SKAP2: variants seen among roughly 807,000 people sequenced by gnomAD.
SKAP2 encodes src kinase associated phosphoprotein 2.
SKAP2 carries 28 observed loss-of-function variants against 54.9 expected under a neutral mutation model. The ratio of observed to expected loss-of-function variants is 0.51; its 90% confidence interval spans 0.38 to 0.70. SKAP2 has a LOEUF of 0.70. Ranked by LOEUF, SKAP2 falls within the 30% of genes least tolerant of loss-of-function variation. The pLI is 0.00. For synonymous variants in SKAP2, 137 were observed against 134.3 expected, an observed-to-expected ratio of 1.02 and a Z score of -0.14; for missense variants, 356 against 424.1, an observed-to-expected ratio of 0.84 and a Z score of 1.41.
intron 9 of SKAP2, 81 bp downstream of exon 9, chr7:26,725,347 C>A: frequency 9.7e-7 from 1 of 1,029,132 alleles, no homozygotes; most frequent in South Asian, 1.8e-5. Context: ...GAGGACAAAT[C>A]ACACACACAA....
intron 6 of SKAP2, 140 bp from the exon 7 acceptor site, chr7:26,727,146 T>C (rs2127956520): frequency 1.7e-6 from 1 of 589,422 alleles, no homozygotes; most frequent in Non-Finnish European, 2.8e-6. Context: ...TTAGGTAATG[T>C]TTTTAGAAAT....
At chr7:26,774,387 CAT>C (rs1347451710) in intron 4 of SKAP2, among the ~76,000 whole-genome samples, 4 of 152,080 alleles carry the variant, frequency 2.6e-5, no homozygotes, top group Non-Finnish European at 4.4e-5. Flanking sequence ...CACACACACA[CAT>C]ACACACACCC....
chr7:26,676,766 T>C (rs567132801), intron 11 of SKAP2, among the ~76,000 whole-genome samples: 1 of 152,280 alleles, frequency 6.6e-6, no homozygotes, highest in African/African-American at 2.4e-5. Context: ...GTAATCATTA[T>C]ATTGAATGTT....
chr7:26,717,404 G>A (rs1294220765), intron 9 of SKAP2, among the ~76,000 whole-genome samples: 1 of 149,564 alleles, frequency 6.7e-6, no homozygotes, highest in Non-Finnish European at 1.5e-5. Context: ...CAGCTACTTA[G>A]GAGGCTGAGG....
rs143558652 is a variant in SKAP2 at position 26,840,361 on chromosome 7, C to G, written c.307+3669G>C. Among the ~76,000 whole-genome samples, 259 of 152,174 alleles carry G rather than the reference C, an allele frequency of 1.7e-3. 4 individuals carry two copies. The highest frequency in any genetic ancestry group is 2.9e-3 in the Non-Finnish European group (200 of 67,968). On this transcript the variant is annotated intron_variant, in intron 4 of 12. Transcript: ENST00000345317. The stretch of plus-strand genomic sequence containing the variant: ...TATATGTCTTCTAGCTCACTGAATC[C>G]TTTCACCTTACCTTAGAGACTTTCC...
Position 26,739,980 on chromosome 7 carries a change from G to GAA in SKAP2, c.308-17_308-16insTT. The GAA allele has an allele frequency of 6.4e-7, 1 of 1,557,446 alleles. No individual in the cohort carries two copies. Among genetic ancestry groups the GAA allele is most frequent in the Admixed American group, 1.9e-5 (1 of 52,416 alleles). On this transcript the variant is annotated splice_polypyrimidine_tract_variant and intron_variant, in intron 4 of 12. Coordinates refer to ENST00000345317, the MANE Select transcript of SKAP2 (RefSeq NM_003930.5). ...AACTGGGCTCCTATGAGAAGTTGGG[G>GAA]AGAGAAAAAAAAAAGCAGTGGGTAA... is the stretch of plus-strand genomic sequence containing the variant.
At chr7:26,812,679 T>C (rs1784178564) in intron 4 of SKAP2, among the ~76,000 whole-genome samples, 1 of 152,118 alleles carries the variant, frequency 6.6e-6, no homozygotes, top group African/African-American at 2.4e-5. Flanking sequence ...TTCTTTAAGG[T>C]ATAATAGGTA....
intron 4 of SKAP2, among the ~76,000 whole-genome samples, chr7:26,842,650 C>T (rs541157799): frequency 7.1e-4 from 106 of 149,924 alleles, no homozygotes; most frequent in African/African-American, 2.5e-3. Flanking sequence ...TACACACATA[C>T]ATTCATATAT....
intron 1 of SKAP2, among the ~76,000 whole-genome samples, chr7:26,860,393 T>C (rs1475590825): frequency 6.6e-6 from 1 of 152,182 alleles, no homozygotes; most frequent in African/African-American, 2.4e-5. Flanking sequence ...TTCCTATTTC[T>C]AGAAAAGAAT....
At chr7:26,752,809 C>T (rs750708332) in intron 4 of SKAP2, among the ~76,000 whole-genome samples, 12 of 152,162 alleles carry the variant, frequency 7.9e-5, no homozygotes, top group Non-Finnish European at 1.8e-4. Context: ...AAATCAGCAA[C>T]TGGCCTATAA....
chr7:26,802,832 G>T (rs10237921), intron 4 of SKAP2, among the ~76,000 whole-genome samples: 45,379 of 151,772 alleles, frequency 0.3, 7,087 homozygotes, highest in Middle Eastern at 0.37. Flanking sequence ...AGTGAGTCAA[G>T]ATCGCACTCC....
intron 4 of SKAP2, among the ~76,000 whole-genome samples, chr7:26,795,829 G>T (rs1385605043): frequency 6.6e-6 from 1 of 152,146 alleles, no homozygotes. Context: ...GTTGTTAGGG[G>T]TTATTTAGGA....
intron 4 of SKAP2, among the ~76,000 whole-genome samples, chr7:26,788,151 A>G (rs1481224492): frequency 1.3e-5 from 2 of 152,276 alleles, no homozygotes; most frequent in Non-Finnish European, 2.9e-5. Context: ...AGAACAAAAA[A>G]GAAAATGGGT....
intron 3 of SKAP2, among the ~76,000 whole-genome samples, chr7:26,846,277 C>G (rs960397837): frequency 2.6e-5 from 4 of 151,680 alleles, no homozygotes; most frequent in Admixed American, 6.6e-5. Context: ...AACAGTGAAA[C>G]CAAATAATAT....
At chr7:26,661,772 CA>C in the SKAP2 span, among the ~76,000 whole-genome samples, 1 of 152,152 alleles carries the variant, frequency 6.6e-6, no homozygotes, top group Non-Finnish European at 1.5e-5. Context: ...TGAGTATCAA[CA>C]TTTTTTTCCC....
chr7:26,796,903 T>C (rs112761852), intron 4 of SKAP2, among the ~76,000 whole-genome samples: 177 of 152,310 alleles, frequency 1.2e-3, no homozygotes, highest in Admixed American at 3.5e-3. Flanking sequence ...ACCCTCACAT[T>C]GTTCATGAGT....
chr7:26,704,375 A>C (rs1001079219), intron 9 of SKAP2, among the ~76,000 whole-genome samples: 1 of 152,220 alleles, frequency 6.6e-6, no homozygotes, highest in East Asian at 1.9e-4. Context: ...CTTCAATCCT[A>C]GCCAGGAGCC....
At chr7:26,835,295 G>C (rs1229334904) in intron 4 of SKAP2, among the ~76,000 whole-genome samples, 1 of 152,152 alleles carries the variant, frequency 6.6e-6, no homozygotes, top group African/African-American at 2.4e-5. Context: ...ACAAGACAAG[G>C]ATGCCCTCTC....
rs139664639 is a variant in SKAP2, at chr7:26,831,724, TCA to T, written c.307+12304_307+12305del. Reference sequence around the variant, plus strand: ...GAAAAGTTAAGAAATTTGCTGGAGGTCACAGAGACAGGCAATGAAGTATTTGA... The same window carrying T: ...GAAAAGTTAAGAAATTTGCTGGAGGTCAGAGACAGGCAATGAAGTATTTGA... On this transcript the variant is annotated intron_variant, in intron 4 of 12. Transcript: ENST00000345317. Among the ~76,000 whole-genome samples, 4 of 152,108 alleles carry T rather than the reference TCA, an allele frequency of 2.6e-5. No individual in the cohort carries two copies. In the East Asian group the frequency reaches 7.7e-4, roughly 29 times the overall value.
Sources: allele counts gnomAD v4.1 joint callset (sites outside exome capture counted in the v4.1 genomes callset), GRCh38; gene constraint gnomAD v4.1.1; transcripts MANE v1.5; gene names NCBI Gene and HGNC (gene_info 2026-07-23, HGNC 2026-07-21).